The following TMEM177 variants were observed in gnomAD, a reference collection of about 807,000 sequenced individuals.
TMEM177 encodes transmembrane protein 177.
A neutral mutation model predicts 14.2 loss-of-function variants in TMEM177; 4 were observed. That is an observed-to-expected ratio of 0.28 (90% CI 0.14 to 0.64). The LOEUF (loss-of-function observed/expected upper bound fraction) is 0.64. TMEM177 is among the 30% of genes least tolerant of loss of function. The pLI is 0.82. For synonymous variants in TMEM177, 179 were observed against 174.5 expected, an observed-to-expected ratio of 1.03 and a Z score of -0.20; for missense variants, 344 against 405.2, an observed-to-expected ratio of 0.85 and a Z score of 1.30.
the TMEM177 span, among the ~76,000 whole-genome samples, chr2:119,715,241 A>C: frequency 6.6e-6 from 1 of 152,210 alleles, no homozygotes; most frequent in South Asian, 2.1e-4. Flanking sequence ...AATAAAAATT[A>C]GACAGGCATG....
the TMEM177 span, among the ~76,000 whole-genome samples, chr2:119,708,678 C>CACACAT: frequency 7.8e-6 from 1 of 128,458 alleles, no homozygotes; most frequent in Non-Finnish European, 1.7e-5. Context: ...CACACACATA[C>CACACAT]ACACACACAC....
chr2:119,695,588 G>C, the TMEM177 span, among the ~76,000 whole-genome samples: 3,984 of 152,342 alleles, frequency 0.026, 55 homozygotes, highest in Non-Finnish European at 0.032. Context: ...AAGCGCCATG[G>C]AGGGAGGCCT....
At chr2:119,717,696 C>T in the TMEM177 span, among the ~76,000 whole-genome samples, 1 of 150,520 alleles carries the variant, frequency 6.6e-6, no homozygotes, top group Non-Finnish European at 1.5e-5. Flanking sequence ...GCAACCTCCA[C>T]CTCCCGGGTT....
the TMEM177 span, among the ~76,000 whole-genome samples, chr2:119,694,013 T>TACCACACACATCACACA: frequency 5.3e-4 from 1 of 1,874 alleles, no homozygotes; most frequent in African/African-American, 2.6e-3. Flanking sequence ...CGCATACACA[T>TACCACACACATCACACA]TACACATACC....
chr2:119,723,065 CTTT>C, the TMEM177 span, among the ~76,000 whole-genome samples: 4 of 152,128 alleles, frequency 2.6e-5, no homozygotes. Flanking sequence ...TTCTCTACTT[CTTT>C]GTTTTTGTTT....
the TMEM177 span, among the ~76,000 whole-genome samples, chr2:119,703,954 A>C: frequency 1.3e-5 from 2 of 152,238 alleles, no homozygotes; most frequent in African/African-American, 4.8e-5. Context: ...ATAGCCCTTC[A>C]TCTGAAGCAT....
chr2:119,683,015 G>A (rs1467083105), downstream of TMEM177, among the ~76,000 whole-genome samples: 1 of 152,224 alleles, frequency 6.6e-6, no homozygotes. Flanking sequence ...TGATCAGGGA[G>A]CCAGACCCAA....
At chr2:119,691,280 T>C (rs1689090645), downstream of TMEM177, among the ~76,000 whole-genome samples, 1 of 152,174 alleles carries the variant, frequency 6.6e-6, no homozygotes, top group African/African-American at 2.4e-5. Flanking sequence ...TAAATGGGAA[T>C]AATGACAGTG....
downstream of TMEM177, among the ~76,000 whole-genome samples, chr2:119,690,514 G>A (rs1179284647): frequency 1.3e-5 from 2 of 152,144 alleles, no homozygotes; most frequent in Non-Finnish European, 2.9e-5. Flanking sequence ...GTGAGGACAG[G>A]GTGCTCATGC....
chr2:119,705,163 A>G, the TMEM177 span, among the ~76,000 whole-genome samples: 2 of 152,200 alleles, frequency 1.3e-5, no homozygotes, highest in South Asian at 2.1e-4. Flanking sequence ...GCCTTCTTGT[A>G]CCAAAGCATC....
chr2:119,691,357 T>TA (rs1228127871), downstream of TMEM177, among the ~76,000 whole-genome samples: 1 of 152,156 alleles, frequency 6.6e-6, no homozygotes, highest in East Asian at 1.9e-4. Context: ...GGCACAGAGT[T>TA]AAAGCCTGAG....
the TMEM177 span, among the ~76,000 whole-genome samples, chr2:119,708,592 C>G: frequency 2.6e-5 from 4 of 151,912 alleles, no homozygotes; most frequent in African/African-American, 4.8e-5. Context: ...AGATATGTCT[C>G]CTGAGCGTCT....
At chr2:119,691,662 A>G in the TMEM177 span, among the ~76,000 whole-genome samples, 1 of 152,184 alleles carries the variant, frequency 6.6e-6, no homozygotes, top group Non-Finnish European at 1.5e-5. Flanking sequence ...TGCTGGACAC[A>G]TGACCTGTGT....
the TMEM177 span, among the ~76,000 whole-genome samples, chr2:119,695,715 C>T: frequency 1.3e-5 from 2 of 152,234 alleles, no homozygotes; most frequent in African/African-American, 4.8e-5. Context: ...TTTGTAAACA[C>T]TCTCATATAT....
the TMEM177 span, among the ~76,000 whole-genome samples, chr2:119,718,707 A>G: frequency 6.6e-6 from 1 of 152,162 alleles, no homozygotes; most frequent in Non-Finnish European, 1.5e-5. Flanking sequence ...AAGGAGAGAA[A>G]GTGAAGAACA....
chr2:119,709,803 C>G, the TMEM177 span, among the ~76,000 whole-genome samples: 5 of 151,966 alleles, frequency 3.3e-5, no homozygotes. Flanking sequence ...CCAGTCTGGG[C>G]GACTGAGCAA....
the TMEM177 span, among the ~76,000 whole-genome samples, chr2:119,697,705 CCTCT>C: frequency 2.6e-5 from 4 of 151,842 alleles, no homozygotes; most frequent in South Asian, 6.2e-4. Flanking sequence ...CCCTCAGCTT[CCTCT>C]CTCTCTCTCA....
chr2:119,717,383 G>C, the TMEM177 span, among the ~76,000 whole-genome samples: 1 of 152,018 alleles, frequency 6.6e-6, no homozygotes, highest in African/African-American at 2.4e-5. Context: ...GAAAGTCTGA[G>C]ACAGTGGCAG....
chr2:119,721,614 T>C, the TMEM177 span, among the ~76,000 whole-genome samples: 1 of 152,182 alleles, frequency 6.6e-6, no homozygotes, highest in East Asian at 1.9e-4. Flanking sequence ...TGAAACAGTC[T>C]TGTAGGGGAC....
Sources: allele counts gnomAD v4.1 joint callset (sites outside exome capture counted in the v4.1 genomes callset), GRCh38; gene constraint gnomAD v4.1.1; transcripts MANE v1.5; gene names NCBI Gene and HGNC (gene_info 2026-07-23, HGNC 2026-07-21).